Variants in PCDHGA1 observed in about 807,000 individuals in gnomAD.
PCDHGA1 encodes the protein protocadherin gamma subfamily A, 1.
Under a neutral mutation model 58.0 loss-of-function variants are expected in PCDHGA1, and 32 were observed. The observed-to-expected ratio is 0.55, with a 90% CI of 0.42 to 0.74. PCDHGA1 has a LOEUF of 0.74. Ranked by LOEUF, PCDHGA1 falls within the 30% of genes least tolerant of loss-of-function variation. The pLI, the probability that PCDHGA1 is intolerant of heterozygous loss-of-function variation, is 0.00. For missense variants in PCDHGA1, 1,205 were observed against 1,182.3 expected, an observed-to-expected ratio of 1.02 and a Z score of -0.28; for synonymous variants, 498 against 501.1, an observed-to-expected ratio of 0.99 and a Z score of 0.08.
Position 141,372,306 on chromosome 5 carries a change from G to T in PCDHGA1, c.2421+39201G>T, listed in dbSNP as rs771102617. 35 of 1,613,152 alleles carry T rather than the reference G, an allele frequency of 2.2e-5. No homozygotes were observed. Among genetic ancestry groups the T allele is most frequent in the African/African-American group, 9.3e-5 (7 of 75,056 alleles). ...GCGTACCTTGGGCGACAGGGAGGCC[G>T]CCCGCCAGCGCCTGCTGGTCACTGT... On this transcript the variant is annotated intron_variant, in intron 1 of 3. Coordinates refer to ENST00000517417, the MANE Select transcript of PCDHGA1 (RefSeq NM_018912.3).
At chr5:141,428,455 T>C (rs898393760) in intron 1 of PCDHGA1, 61 of 361,572 alleles carry the variant, frequency 1.7e-4, no homozygotes, top group African/African-American at 1.2e-3. Context: ...TTTTCCCAAC[T>C]ACAATGAGGG....
chr5:141,383,486 T>C, intron 1 of PCDHGA1: 1 of 1,613,372 alleles, frequency 6.2e-7, no homozygotes, highest in Non-Finnish European at 8.5e-7. Context: ...GAACTGGTGC[T>C]GGAGCGGGTG....
At chr5:141,404,039 G>A in intron 1 of PCDHGA1, 1 of 1,613,750 alleles carries the variant, frequency 6.2e-7, no homozygotes, top group Non-Finnish European at 8.5e-7. Context: ...CGCACCTCAG[G>A]GAACAGTAAT....
At chr5:141,462,020 T>G (rs1371390043) in intron 1 of PCDHGA1, among the ~76,000 whole-genome samples, 6 of 152,110 alleles carry the variant, frequency 3.9e-5, no homozygotes, top group Non-Finnish European at 8.8e-5. Flanking sequence ...ACGGGGTTTC[T>G]TCATGTTGGT....
intron 1 of PCDHGA1, chr5:141,478,233 T>G: frequency 6.2e-7 from 1 of 1,614,126 alleles, no homozygotes. Context: ...GTGGGGTTTG[T>G]GGTCACAGTG....
At chr5:141,385,427 T>C (rs1052771598) in intron 1 of PCDHGA1, 27 of 1,460,068 alleles carry the variant, frequency 1.8e-5, no homozygotes, top group Non-Finnish European at 2.3e-5. Context: ...TAAAAAACTT[T>C]ATAGAGGTAA....
intron 2 of PCDHGA1, among the ~76,000 whole-genome samples, chr5:141,495,119 C>T (rs1024197360): frequency 3.9e-5 from 6 of 152,182 alleles, no homozygotes; most frequent in African/African-American, 1.4e-4. Context: ...CTTTTCCTAT[C>T]CCCTGAGGGC....
chr5:141,394,868 C>A, intron 1 of PCDHGA1: 1 of 1,613,828 alleles, frequency 6.2e-7, no homozygotes, highest in Non-Finnish European at 8.5e-7. Flanking sequence ...TCGACCCGAA[C>A]GATTCGAGCC....
At chr5:141,474,754 T>C (rs1351752958) in intron 1 of PCDHGA1, among the ~76,000 whole-genome samples, 4 of 152,228 alleles carry the variant, frequency 2.6e-5, no homozygotes, top group Non-Finnish European at 4.4e-5. Flanking sequence ...CCAAGACAAA[T>C]ATACAGAAAT....
At chr5:141,404,642 T>C in intron 1 of PCDHGA1, 20 of 1,614,190 alleles carry the variant, frequency 1.2e-5, no homozygotes, top group Non-Finnish European at 1.7e-5. Flanking sequence ...AGAAATCCTG[T>C]ACCCTGCCCT....
rs1462148828 is a variant in PCDHGA1 at position 141,392,863 on chromosome 5, G to A, written c.2421+59758G>A. On this transcript the variant is annotated intron_variant, in intron 1 of 3. Transcript: ENST00000517417. ...AGACGCGGCGAGCTGATCCTGCTGT[G>A]CGCGCTGCTGGGAACGCTGTGGGAA... 3 of 1,612,774 alleles carry A rather than the reference G, an allele frequency of 1.9e-6. No individual in the cohort carries two copies. Among genetic ancestry groups the A allele is most frequent in the African/African-American group, 2.7e-5 (2 of 74,930 alleles).
In PCDHGA1 at chr5:141,360,351, G is replaced by A. The variant is rs188525608; in HGVS notation, c.2421+27246G>A. 7 of 1,613,876 alleles carry A rather than the reference G, an allele frequency of 4.3e-6. No individual in the cohort carries two copies. In the East Asian group the frequency reaches 1.6e-4, roughly 36 times the overall value. Reference sequence around the variant, plus strand: ...GGAAGCTGCGGGTTAGCGCGGAGAAGGAATATTTCACAGTAAACCCAGAAA... The same window carrying A: ...GGAAGCTGCGGGTTAGCGCGGAGAAAGAATATTTCACAGTAAACCCAGAAA... On this transcript the variant is annotated intron_variant, in intron 1 of 3. Transcript: ENST00000517417.
At chr5:141,403,949 G>C (rs1167033357) in intron 1 of PCDHGA1, 2 of 1,613,886 alleles carry the variant, frequency 1.2e-6, no homozygotes, top group Non-Finnish European at 1.7e-6. Flanking sequence ...GTGGACAAAA[G>C]TGCTCATTTC....
At chr5:141,394,801 C>A in intron 1 of PCDHGA1, 2 of 1,613,838 alleles carry the variant, frequency 1.2e-6, no homozygotes, top group Non-Finnish European at 1.7e-6. Flanking sequence ...CTCACCGTAG[C>A]CGTGGCTGAC....
intron 1 of PCDHGA1, chr5:141,343,234 C>G: frequency 2.2e-6 from 2 of 895,570 alleles, no homozygotes. Flanking sequence ...TATTAAATAA[C>G]AACAAATATC....
At chr5:141,398,957 T>G (rs1307112913) in intron 1 of PCDHGA1, 1 of 1,613,868 alleles carries the variant, frequency 6.2e-7, no homozygotes, top group South Asian at 1.1e-5. Context: ...AACTCAGAAA[T>G]TACTTATTCC....
At chr5:141,392,571 G>A (rs920993262) in intron 1 of PCDHGA1, 5 of 449,626 alleles carry the variant, frequency 1.1e-5, no homozygotes, top group African/African-American at 1.0e-4. Flanking sequence ...TAACTATTTA[G>A]GACTGTAAGC....
intron 1 of PCDHGA1, chr5:141,345,664 G>A (rs1290860917): frequency 1.9e-6 from 3 of 1,614,118 alleles, no homozygotes; most frequent in Non-Finnish European, 2.5e-6. Flanking sequence ...CCACTCAGCA[G>A]CAACGTGTCG....
intron 1 of PCDHGA1, chr5:141,420,219 T>C: frequency 6.2e-7 from 1 of 1,607,100 alleles, no homozygotes. Flanking sequence ...GATAGCATGC[T>C]ACTGGCTAGC....
Sources: gnomAD v4.1 joint callset for allele counts (sites outside exome capture counted in the v4.1 genomes callset) on GRCh38, gnomAD v4.1.1 for gene constraint, MANE v1.5 for transcripts, NCBI Gene and HGNC (gene_info 2026-07-23, HGNC 2026-07-21) for gene names.